The following C1QTNF3 variants were observed in gnomAD, a reference collection of about 807,000 sequenced individuals.
C1QTNF3 encodes complement C1q tumor necrosis factor-related protein 3.
C1QTNF3 carries 26 observed loss-of-function variants against 32.6 expected under a neutral mutation model. That is an observed-to-expected ratio of 0.80 (90% CI 0.58 to 1.11). The LOEUF (loss-of-function observed/expected upper bound fraction) is 1.11, where lower values mean the gene tolerates loss of function less well. C1QTNF3 is among the 50% of genes least tolerant of loss of function. The pLI is 0.00. For synonymous variants in C1QTNF3, 155 were observed against 146.0 expected, an observed-to-expected ratio of 1.06 and a Z score of -0.44; for missense variants, 362 against 398.2, an observed-to-expected ratio of 0.91 and a Z score of 0.77.
At chr5:34,025,466 A>C (rs926189640) in intron 4 of C1QTNF3, among the ~76,000 whole-genome samples, 12 of 152,364 alleles carry the variant, frequency 7.9e-5, no homozygotes, top group Admixed American at 7.8e-4. Context: ...GTGAGTATGT[A>C]TTATACCCAC....
At chr5:34,229,262 A>C in the C1QTNF3 span, among the ~76,000 whole-genome samples, 1 of 151,898 alleles carries the variant, frequency 6.6e-6, no homozygotes, top group South Asian at 2.1e-4. Context: ...TTCTTATTAC[A>C]TATTCAAGCT....
the C1QTNF3 span, among the ~76,000 whole-genome samples, chr5:34,049,515 C>G: frequency 1.3e-5 from 2 of 152,324 alleles, no homozygotes; most frequent in East Asian, 3.9e-4. Flanking sequence ...AACCCAGTTT[C>G]CCAAAGGGAC....
chr5:34,215,423 C>T, the C1QTNF3 span, among the ~76,000 whole-genome samples: 1 of 152,086 alleles, frequency 6.6e-6, no homozygotes, highest in East Asian at 1.9e-4. Context: ...TCCTGCTTTC[C>T]ACCTCCCTGT....
the C1QTNF3 span, among the ~76,000 whole-genome samples, chr5:34,111,932 C>T: frequency 3.3e-5 from 5 of 152,154 alleles, no homozygotes; most frequent in African/African-American, 1.2e-4. Context: ...GCACACCTAG[C>T]CACAAGGGAG....
the C1QTNF3 span, among the ~76,000 whole-genome samples, chr5:34,067,265 T>G: frequency 1.3e-4 from 20 of 152,360 alleles, no homozygotes; most frequent in South Asian, 6.2e-4. Context: ...TGTTTCACCC[T>G]CTATCTGTTA....
the C1QTNF3 span, among the ~76,000 whole-genome samples, chr5:34,063,045 G>A: frequency 7.2e-5 from 11 of 152,034 alleles, no homozygotes; most frequent in Admixed American, 6.5e-5. Context: ...ACGGGTTGTC[G>A]GTGGTCTCGG....
chr5:34,037,049 G>A (rs932849836), intron 1 of C1QTNF3, among the ~76,000 whole-genome samples: 1 of 152,172 alleles, frequency 6.6e-6, no homozygotes, highest in African/African-American at 2.4e-5. Context: ...GACACTGAGT[G>A]AAATGCTTAT....
At chr5:34,074,041 G>T in the C1QTNF3 span, among the ~76,000 whole-genome samples, 1 of 152,116 alleles carries the variant, frequency 6.6e-6, no homozygotes, top group Non-Finnish European at 1.5e-5. Context: ...CCAATATTAT[G>T]TAGTAAGTAG....
At chr5:34,243,969 G>A in the C1QTNF3 span, among the ~76,000 whole-genome samples, 3 of 152,190 alleles carry the variant, frequency 2.0e-5, no homozygotes, top group African/African-American at 7.2e-5. Flanking sequence ...TGTTTCTAAT[G>A]AAGGTAGACT....
chr5:34,150,312 A>C, the C1QTNF3 span, among the ~76,000 whole-genome samples: 1 of 104,178 alleles, frequency 9.6e-6, no homozygotes, highest in East Asian at 2.5e-4. Context: ...ACAGAAAGTC[A>C]ACAAGGATAC....
the C1QTNF3 span, among the ~76,000 whole-genome samples, chr5:34,172,440 C>CGGGGGGG: frequency 4.7e-5 from 1 of 21,254 alleles, no homozygotes; most frequent in Non-Finnish European, 1.6e-4. Context: ...CGGGGTTGGG[C>CGGGGGGG]GGGGGGGGCG....
chr5:34,053,178 T>C, the C1QTNF3 span, among the ~76,000 whole-genome samples: 1 of 152,154 alleles, frequency 6.6e-6, no homozygotes, highest in Non-Finnish European at 1.5e-5. Flanking sequence ...CAGCAAATAA[T>C]GGAGCTGCTC....
chr5:34,112,744 G>C, the C1QTNF3 span, among the ~76,000 whole-genome samples: 2 of 152,260 alleles, frequency 1.3e-5, no homozygotes, highest in Non-Finnish European at 2.9e-5. Flanking sequence ...CCTTTCCGCT[G>C]AGCTTAGCAG....
At chr5:34,111,994 C>T in the C1QTNF3 span, among the ~76,000 whole-genome samples, 2 of 152,094 alleles carry the variant, frequency 1.3e-5, no homozygotes, top group Non-Finnish European at 2.9e-5. Context: ...TGGAGGAGAG[C>T]CAGAAGTCTG....
At chr5:34,091,485 C>G in the C1QTNF3 span, among the ~76,000 whole-genome samples, 2 of 152,206 alleles carry the variant, frequency 1.3e-5, no homozygotes, top group Non-Finnish European at 2.9e-5. Flanking sequence ...CTATTTATAA[C>G]CTCTTCAAAC....
At chr5:34,173,520 G>A in the C1QTNF3 span, among the ~76,000 whole-genome samples, 11 of 134,644 alleles carry the variant, frequency 8.2e-5, no homozygotes, top group East Asian at 4.1e-4. Context: ...TAATATAATC[G>A]TCTCATTCAA....
the C1QTNF3 span, among the ~76,000 whole-genome samples, chr5:34,172,249 C>T: frequency 3.3e-5 from 5 of 151,824 alleles, no homozygotes; most frequent in Non-Finnish European, 7.4e-5. Flanking sequence ...ATAAATTAGG[C>T]ATAGTAAGAA....
the C1QTNF3 span, among the ~76,000 whole-genome samples, chr5:34,119,207 C>G: frequency 1.3e-5 from 2 of 152,174 alleles, no homozygotes; most frequent in African/African-American, 4.8e-5. Context: ...AGAATCTGAT[C>G]AATATCTCTG....
chr5:34,099,179 C>T, the C1QTNF3 span, among the ~76,000 whole-genome samples: 6 of 151,946 alleles, frequency 3.9e-5, no homozygotes, highest in Middle Eastern at 6.8e-3. Flanking sequence ...TATGAAATTA[C>T]TGTTTTGAAA....
Sources: allele counts gnomAD v4.1 joint callset (sites outside exome capture counted in the v4.1 genomes callset), GRCh38; gene constraint gnomAD v4.1.1; transcripts MANE v1.5; gene names NCBI Gene and HGNC (gene_info 2026-07-23, HGNC 2026-07-21).